RBFOX1: variants seen among roughly 807,000 people sequenced by gnomAD.
RBFOX1 encodes RNA binding protein fox-1 homolog 1.
A neutral mutation model predicts 57.7 loss-of-function variants in RBFOX1; 8 were observed. That is an observed-to-expected ratio of 0.14 (90% confidence interval 0.08 to 0.25). The LOEUF (loss-of-function observed/expected upper bound fraction) is 0.25. Ranked by LOEUF, RBFOX1 falls within the 10% of genes least tolerant of loss-of-function variation. The pLI is 1.00. For synonymous variants in RBFOX1, 326 were observed against 222.4 expected (o/e 1.47, Z -4.15); for missense variants, 611 against 548.5 (o/e 1.11, Z -1.14).
chr16:6,012,170 C>T (rs1004570141), intron 4 of RBFOX1, among the ~76,000 whole-genome samples: 20 of 152,166 alleles, frequency 1.3e-4, no homozygotes, highest in Non-Finnish European at 2.2e-4. Context: ...ACTACCTTGG[C>T]GACTGTGAGC....
intron 1 of RBFOX1, among the ~76,000 whole-genome samples, chr16:6,062,292 C>T (rs908390169): frequency 1.1e-5 from 1 of 93,044 alleles, no homozygotes; most frequent in Non-Finnish European, 1.9e-5. Flanking sequence ...CCATCTTTAG[C>T]CCCCCTGCCC....
At chr16:5,942,423 C>T (rs2059301530) in intron 4 of RBFOX1, among the ~76,000 whole-genome samples, 1 of 152,084 alleles carries the variant, frequency 6.6e-6, no homozygotes. Flanking sequence ...ATTTGGTTGT[C>T]AGAAATGCAA....
chr16:7,613,426 G>A (rs1198485585), intron 10 of RBFOX1, among the ~76,000 whole-genome samples: 1 of 152,162 alleles, frequency 6.6e-6, no homozygotes, highest in Non-Finnish European at 1.5e-5. Context: ...AGAGATTCAT[G>A]TGATCACCAA....
intron 3 of RBFOX1, among the ~76,000 whole-genome samples, chr16:5,703,995 C>A (rs2051147951): frequency 6.6e-6 from 1 of 152,144 alleles, no homozygotes; most frequent in Admixed American, 6.5e-5. Flanking sequence ...TACATGGTCG[C>A]TCAGATCTGT....
chr16:7,217,030 TCCC>T (rs1567748625), intron 4 of RBFOX1, among the ~76,000 whole-genome samples: 6 of 47,222 alleles, frequency 1.3e-4, no homozygotes, highest in Admixed American at 2.8e-4. Flanking sequence ...CCTCCCTCCC[TCCC>T]TCCCTCCCTC....
chr16:6,539,105 A>C (rs924370767), intron 2 of RBFOX1, among the ~76,000 whole-genome samples: 1 of 149,738 alleles, frequency 6.7e-6, no homozygotes, highest in African/African-American at 2.5e-5. Context: ...GGCAGAAAGA[A>C]CAGTTGATGA....
In RBFOX1 at chr16:5,909,960, G is replaced by T. The variant is rs546125399; in HGVS notation, c.351+42625G>T. Among the ~76,000 whole-genome samples the T allele has an allele frequency of 2.6e-5, 4 of 152,216 alleles. No homozygotes were observed. The South Asian group carries it at 8.3e-4, about 32-fold the overall frequency. Reference sequence around the variant, plus strand: ...CCCAGCTACTCAGGAGGCTAAGGCAGGAGAGTCACTTGAACCTGGGAGGCG... The same window carrying T: ...CCCAGCTACTCAGGAGGCTAAGGCATGAGAGTCACTTGAACCTGGGAGGCG... On this transcript the variant is annotated intron_variant, in intron 4 of 19. Coordinates refer to the RBFOX1 transcript ENST00000641259.
chr16:5,374,030 G>C (rs901717881), intron 1 of RBFOX1, among the ~76,000 whole-genome samples: 24 of 152,324 alleles, frequency 1.6e-4, no homozygotes, highest in African/African-American at 5.8e-4. Flanking sequence ...CGATTCTCCT[G>C]CCTCACCCTC....
intron 2 of RBFOX1, among the ~76,000 whole-genome samples, chr16:6,617,080 C>T (rs557733127): frequency 1.3e-4 from 20 of 151,890 alleles, no homozygotes; most frequent in Non-Finnish European, 2.2e-4. Context: ...TACTTAAGAA[C>T]GTAGAGGTGC....
chr16:7,517,105 A>G (rs2076519215), intron 4 of RBFOX1, among the ~76,000 whole-genome samples: 2 of 148,928 alleles, frequency 1.3e-5, no homozygotes, highest in South Asian at 4.3e-4. Flanking sequence ...AGACCATGGA[A>G]AGTTTAGACC....
intron 3 of RBFOX1, among the ~76,000 whole-genome samples, chr16:6,893,691 G>A (rs1313881628): frequency 2.6e-5 from 4 of 152,154 alleles, no homozygotes; most frequent in Admixed American, 2.0e-4. Context: ...TATCAATGTG[G>A]AAACTAAAAT....
At chr16:7,115,785 C>G (rs1183339436) in intron 4 of RBFOX1, among the ~76,000 whole-genome samples, 1 of 152,170 alleles carries the variant, frequency 6.6e-6, no homozygotes, top group South Asian at 2.1e-4. Context: ...ATCTAGCCTG[C>G]CCCGAAGGGG....
At chr16:6,777,240 T>C (rs2079533407) in intron 3 of RBFOX1, among the ~76,000 whole-genome samples, 1 of 152,150 alleles carries the variant, frequency 6.6e-6, no homozygotes, top group South Asian at 2.1e-4. Context: ...GAAAAGAGGA[T>C]TCTATCACAT....
rs2084104507 is a variant in RBFOX1 at position 7,187,332 on chromosome 16, T to C, written c.27+135234T>C. Among the ~76,000 whole-genome samples, 10 of 152,090 alleles carry C rather than the reference T, an allele frequency of 6.6e-5. No individual in the cohort carries two copies. In the South Asian group the frequency reaches 2.1e-3, roughly 32 times the overall value. On this transcript the variant is annotated intron_variant, in intron 4 of 15. Coordinates refer to ENST00000550418, the MANE Select transcript of RBFOX1 (RefSeq NM_018723.4). ...GTCCTTCCTTAATCCTTCTGAGAGA[T>C]TATCGATCACTTAAAAAATTGTGTG...
intron 11 of RBFOX1, among the ~76,000 whole-genome samples, chr16:7,650,495 C>T (rs1597314662): frequency 6.6e-6 from 1 of 152,108 alleles, no homozygotes; most frequent in Non-Finnish European, 1.5e-5. Flanking sequence ...CTCAGGAAAT[C>T]CATTTTCTCC....
intron 2 of RBFOX1, among the ~76,000 whole-genome samples, chr16:6,546,909 A>G (rs551375459): frequency 2.0e-5 from 3 of 152,316 alleles, no homozygotes; most frequent in African/African-American, 7.2e-5. Context: ...TGTGGACCAC[A>G]CAGTTTTCAA....
chr16:7,014,124 A>G lies in RBFOX1; in HGVS notation c.-15-37933A>G, dbSNP rs1353110794. On this transcript the variant is annotated intron_variant, in intron 3 of 15. Transcript: ENST00000550418. ...GATTTATTGGGACAGGCAATTGTGT[A>G]TGCAGAATAAATGCTCAAAAAGAAC... Among the ~76,000 whole-genome samples, 4 of 152,238 alleles carry G rather than the reference A, an allele frequency of 2.6e-5. No individual in the cohort carries two copies. The South Asian group carries it at 6.2e-4, about 24-fold the overall frequency.
intron 1 of RBFOX1, among the ~76,000 whole-genome samples, chr16:5,249,644 A>G (rs1264389761): frequency 6.6e-6 from 1 of 152,216 alleles, no homozygotes; most frequent in African/African-American, 2.4e-5. Context: ...TATTAAAAAT[A>G]CAAATTATTA....
chr16:7,484,719 C>T (rs190376178), intron 4 of RBFOX1, among the ~76,000 whole-genome samples: 3 of 152,346 alleles, frequency 2.0e-5, no homozygotes, highest in African/African-American at 7.2e-5. Context: ...TCGCTTCAGC[C>T]TCCCAAAGTT....
Sources: gnomAD v4.1 joint callset for allele counts (sites outside exome capture counted in the v4.1 genomes callset) on GRCh38, gnomAD v4.1.1 for gene constraint, MANE v1.5 for transcripts, NCBI Gene and HGNC (gene_info 2026-07-23, HGNC 2026-07-21) for gene names.